Variants in SMC1B observed in about 807,000 individuals in gnomAD.
SMC1B encodes structural maintenance of chromosomes 1B.
SMC1B carries 60 observed loss-of-function variants against 157.9 expected under a neutral mutation model. That is an observed-to-expected ratio of 0.38 (90% CI 0.31 to 0.47). The LOEUF is 0.47. Ranked by LOEUF, SMC1B falls within the 20% of genes least tolerant of loss-of-function variation. The pLI is 0.99. For missense variants in SMC1B, 1,165 were observed against 1,426.2 expected, an observed-to-expected ratio of 0.82 and a Z score of 2.95; for synonymous variants, 445 against 483.0, an observed-to-expected ratio of 0.92 and a Z score of 1.03.
chr22:45,383,471 A>C lies in SMC1B; in HGVS notation c.2054T>G (p.Leu685Arg). The change falls in exon 12 of 25, where the codon CTA becomes CGA. Residue 685 changes from leucine to arginine, a missense_variant. Transcript: ENST00000357450. The part of the protein sequence containing the change: ...RDRRSQKIQE[L>R]KGLMKTLRKE... ...ACTTTTATGACATGGATTTACCTTTAGCTCTTGGATTTTCTGGCTTCGTCT... is the reference window on the plus strand; with the variant it reads ...ACTTTTATGACATGGATTTACCTTTCGCTCTTGGATTTTCTGGCTTCGTCT... 6.3e-7 allele frequency: 1 copy of C among 1,593,742 alleles called. No individual in the cohort carries two copies. The highest frequency in any genetic ancestry group is 8.5e-7 in the Non-Finnish European group (1 of 1,174,274).
chr22:45,383,750 G>GATAT, intron 11 of SMC1B, 137 bp from the exon 12 acceptor site: 1 of 677,604 alleles, frequency 1.5e-6, no homozygotes, highest in Non-Finnish European at 2.3e-6. Context: ...AAAATATCTA[G>GATAT]TTTATGAAGA....
At chr22:45,393,986 C>G (rs925557571) in intron 8 of SMC1B, 145 bp from the exon 9 acceptor site, 31 of 618,166 alleles carry the variant, frequency 5.0e-5, no homozygotes, top group Non-Finnish European at 8.0e-5. Context: ...ATAAACCTGA[C>G]ACCAAACATG....
intron 1 of SMC1B, among the ~76,000 whole-genome samples, chr22:45,412,920 C>CA (rs1207384174): frequency 2.0e-5 from 3 of 152,340 alleles, no homozygotes; most frequent in South Asian, 4.1e-4. Context: ...CCTCTCACTT[C>CA]AACTTCGGAT....
At chr22:45,351,099 T>TA (rs1359251319) in intron 22 of SMC1B, among the ~76,000 whole-genome samples, 2 of 152,246 alleles carry the variant, frequency 1.3e-5, no homozygotes, top group Non-Finnish European at 2.9e-5. Flanking sequence ...GACTCTTTAA[T>TA]ATTGCTAACC....
At chr22:45,403,174 T>C (rs1431812693) in intron 4 of SMC1B, among the ~76,000 whole-genome samples, 1 of 152,202 alleles carries the variant, frequency 6.6e-6, no homozygotes. Flanking sequence ...AATTAGGAAG[T>C]TGTTTCGTTC....
intron 19 of SMC1B, among the ~76,000 whole-genome samples, chr22:45,355,478 T>C (rs2086660709): frequency 6.6e-6 from 1 of 152,134 alleles, no homozygotes; most frequent in African/African-American, 2.4e-5. Flanking sequence ...GTCAGACATA[T>C]AAACTGGATT....
intron 23 of SMC1B, among the ~76,000 whole-genome samples, chr22:45,347,025 A>T (rs1040097238): frequency 6.6e-6 from 1 of 152,230 alleles, no homozygotes; most frequent in Non-Finnish European, 1.5e-5. Context: ...AATACCTTCA[A>T]TACAGCCAAG....
chr22:45,393,569 T>C (rs935643283), intron 9 of SMC1B, 65 bp downstream of exon 9: 4 of 1,156,864 alleles, frequency 3.5e-6, no homozygotes, highest in Non-Finnish European at 5.0e-6. Flanking sequence ...AATGAGAAGA[T>C]ACTGTTGAAA....
chr22:45,399,158 A>G lies in SMC1B; in HGVS notation c.1050T>C (p.Phe350=), dbSNP rs766593101. 1.9e-6 allele frequency: 3 copies of G among 1,614,034 alleles called. No homozygotes were observed. Among genetic ancestry groups the G allele is most frequent in the Non-Finnish European group, 2.5e-6 (3 of 1,179,980 alleles). ...AAATTTCTTCCTCAATCTGCTTTTC[A>G]AAACTTCTCCATGCAGCATCTAAAT... The part of the protein sequence containing the change: ...LADLDAAWRS[F]EKQIEEEILH... The change falls in exon 6 of 25, where the codon TTT becomes TTC. Residue 350 remains phenylalanine (F), a synonymous_variant. Transcript: ENST00000357450.
intron 19 of SMC1B, among the ~76,000 whole-genome samples, chr22:45,356,322 C>T (rs1042662755): frequency 6.6e-6 from 1 of 152,182 alleles, no homozygotes; most frequent in African/African-American, 2.4e-5. Flanking sequence ...GAATATGTGA[C>T]CCCATTCAGG....
chr22:45,409,022 T>A, intron 1 of SMC1B, 124 bp from the exon 2 acceptor site: 1 of 572,546 alleles, frequency 1.7e-6, no homozygotes, highest in South Asian at 2.9e-5. Context: ...TTTTAATCAA[T>A]GTTCAAAATG....
rs777770146 is a variant in SMC1B, at chr22:45,399,210, A to G, written c.998T>C (p.Ile333Thr). 52 of 1,613,962 alleles carry G rather than the reference A, an allele frequency of 3.2e-5. No homozygotes were observed. The highest frequency in any genetic ancestry group is 4.2e-5 in the Non-Finnish European group (50 of 1,180,002). The stretch of plus-strand genomic sequence containing the variant: ...AGCCAGCTCTGTCTCCAGGGCTTTT[A>G]TATCATCTTCCTGTTTAGAACATTG... ...EKQCSKQEDD[I>T]KALETELADL... The change falls in exon 6 of 25, where the codon ATA (isoleucine) becomes ACA (threonine). Residue 333 changes from isoleucine to threonine, a missense_variant. Transcript: ENST00000357450.
intron 19 of SMC1B, among the ~76,000 whole-genome samples, chr22:45,355,441 T>C (rs1427411712): frequency 6.6e-6 from 1 of 152,210 alleles, no homozygotes; most frequent in Non-Finnish European, 1.5e-5. Context: ...AGCTATTCAG[T>C]CTTTGCCTTT....
At position 45,345,584 on chromosome 22, in the gene SMC1B, AAC is replaced by A. The variant is rs556788457; in HGVS notation, c.3496-17_3496-16del. 1,600 of 1,494,194 alleles carry A rather than the reference AAC, an allele frequency of 1.1e-3. 2 individuals are homozygous for A. The highest frequency in any genetic ancestry group is 1.7e-3 in the Admixed American group (103 of 59,844). The allele number at this position is 1,494,194 out of a possible 1,614,324, so 92.6% of individuals were successfully genotyped here. A position where few individuals can be genotyped will look rare whatever the true frequency, so the allele number is the denominator to read the frequency against. On this transcript the variant is annotated splice_polypyrimidine_tract_variant and intron_variant, in intron 23 of 24. Coordinates refer to ENST00000357450, the MANE Select transcript of SMC1B (RefSeq NM_148674.5). ...TAACTTGACACCTGGAAGAAATAAAAACACACATTTCACTAGGAAGGAAAGGC... is the reference window on the plus strand; with the variant it reads ...TAACTTGACACCTGGAAGAAATAAAAACACATTTCACTAGGAAGGAAAGGC...
intron 1 of SMC1B, among the ~76,000 whole-genome samples, chr22:45,411,527 C>T (rs1346026321): frequency 2.0e-5 from 3 of 152,184 alleles, no homozygotes; most frequent in Admixed American, 6.5e-5. Context: ...ATGATGGTTG[C>T]ACAACTTTTG....
chr22:45,360,452 G>GA (rs768610872), intron 17 of SMC1B, among the ~76,000 whole-genome samples: 60 of 149,852 alleles, frequency 4.0e-4, no homozygotes, highest in Non-Finnish European at 5.9e-4. Context: ...AAAGAAAATG[G>GA]AAAAAAAAAG....
At chr22:45,358,895 AGATCAGT>A in intron 18 of SMC1B, 100 bp from the exon 19 acceptor site, 1 of 727,546 alleles carries the variant, frequency 1.4e-6, no homozygotes. Context: ...GTAACATCAA[AGATCAGT>A]TATATAGATC....
chr22:45,413,254 A>C (rs879581746), intron 1 of SMC1B, among the ~76,000 whole-genome samples: 5 of 151,584 alleles, frequency 3.3e-5, no homozygotes, highest in Non-Finnish European at 5.9e-5. Flanking sequence ...CCTGAGGTGG[A>C]CGGCGAGGAC....
intron 1 of SMC1B, among the ~76,000 whole-genome samples, chr22:45,413,188 G>A (rs931532183): frequency 1.3e-5 from 2 of 152,020 alleles, no homozygotes; most frequent in Admixed American, 1.3e-4. Flanking sequence ...CCGAGGCGGG[G>A]CCGAGTGGAA....
Sources: gnomAD v4.1 joint callset for allele counts (sites outside exome capture counted in the v4.1 genomes callset) on GRCh38, gnomAD v4.1.1 for gene constraint, MANE v1.5 for transcripts, NCBI Gene and HGNC (gene_info 2026-07-23, HGNC 2026-07-21) for gene names.